The following PCDHGB6 variants were observed in gnomAD, a reference collection of about 807,000 sequenced individuals.
The protein encoded by PCDHGB6 is protocadherin gamma subfamily B, 6, also known as protocadherin gamma-B6.
In PCDHGB6, 51 loss-of-function variants were observed where a neutral mutation model predicts 59.1. That is an observed-to-expected ratio of 0.86 (90% CI 0.69 to 1.09). The LOEUF is 1.09. Ranked by LOEUF, PCDHGB6 falls within the 50% of genes least tolerant of loss-of-function variation. The pLI, the probability that PCDHGB6 is intolerant of heterozygous loss-of-function variation, is 0.00. For synonymous variants in PCDHGB6, 466 were observed against 495.1 expected (o/e 0.94, Z 0.78); for missense variants, 1,148 against 1,205.1 (o/e 0.95, Z 0.70).
rs769671283 is a variant in PCDHGB6, at chr5:141,511,391, C to A, written c.*218C>A. 1 of 1,079,748 alleles carries A rather than the reference C, an allele frequency of 9.3e-7. No homozygotes were observed. The allele number at this position is 1,079,748 out of a possible 1,614,324, so 66.9% of individuals were successfully genotyped here. On this transcript the variant is annotated 3_prime_UTR_variant, in exon 4 of 4. Transcript: ENST00000520790. ...TGCAAAAGCAGTTCCGCTGGGAACC[C>A]CCATCCAATCAACTGCTGTACCCAT...
chr5:141,430,661 GCT>G, intron 1 of PCDHGB6: 1 of 1,159,744 alleles, frequency 8.6e-7, no homozygotes, highest in South Asian at 2.1e-5. Flanking sequence ...CAACGGAGGA[GCT>G]CTGACTTCCC....
At chr5:141,451,561 C>T (rs1412657561) in intron 1 of PCDHGB6, among the ~76,000 whole-genome samples, 2 of 152,096 alleles carry the variant, frequency 1.3e-5, no homozygotes, top group Non-Finnish European at 2.9e-5. Flanking sequence ...ATGAAAGCCA[C>T]AATCTTTTTA....
chr5:141,432,137 T>A lies in PCDHGB6; in HGVS notation c.2418+21517T>A. On this transcript the variant is annotated intron_variant, in intron 1 of 3. Coordinates refer to ENST00000520790, the MANE Select transcript of PCDHGB6 (RefSeq NM_018926.3). The surrounding 1 kb of genome is among the most constrained non-coding windows in gnomAD (Gnocchi z 6.0). ...CTTCCCTCAGGCCTCCTATTCCGCT[T>A]ATATCCCAGAGAACAATCCCAGAGG... 6.2e-7 allele frequency: 1 copy of A among 1,613,964 alleles called. No homozygotes were observed. Among genetic ancestry groups the A allele is most frequent in the Non-Finnish European group, 8.5e-7 (1 of 1,179,984 alleles).
intron 1 of PCDHGB6, among the ~76,000 whole-genome samples, chr5:141,455,594 G>A (rs1263100982): frequency 6.6e-6 from 1 of 152,112 alleles, no homozygotes; most frequent in Non-Finnish European, 1.5e-5. Context: ...ATATGCAAAC[G>A]TAGGGCGCCA....
intron 1 of PCDHGB6, chr5:141,419,465 G>A (rs568864628): frequency 1.9e-6 from 3 of 1,612,544 alleles, no homozygotes; most frequent in South Asian, 1.1e-5. Context: ...GCAGGCCCGC[G>A]ACCAGGGCTC....
chr5:141,414,613 G>A (rs957641063), intron 1 of PCDHGB6: 2 of 1,613,988 alleles, frequency 1.2e-6, no homozygotes, highest in East Asian at 4.5e-5. Flanking sequence ...CTCAGTGACA[G>A]CGCTGGACCC....
chr5:141,494,182 C>A (rs188628485), intron 1 of PCDHGB6, among the ~76,000 whole-genome samples: 1 of 152,126 alleles, frequency 6.6e-6, no homozygotes, highest in Non-Finnish European at 1.5e-5. Context: ...AGAAGTGTCC[C>A]GGGACTTGGA....
At position 141,511,148 on chromosome 5, in the gene PCDHGB6, A is replaced by C; in HGVS notation, c.2768A>C (p.Lys923Thr). Residue 923 changes from lysine to threonine, a missense_variant, in exon 4 of 4, where the codon AAG (lysine) becomes ACG (threonine). Coordinates refer to ENST00000520790, the MANE Select transcript of PCDHGB6 (RefSeq NM_018926.3). ...APAGGNGNKKKSGKKEKK is the reference protein window; with the variant it reads ...APAGGNGNKKTSGKKEKK ...GCAGGTGGCAATGGCAACAAGAAGA[A>C]GTCGGGCAAGAAGGAGAAGAAGTAA... is the stretch of plus-strand genomic sequence containing the variant. The C allele has an allele frequency of 6.2e-7, 1 of 1,614,202 alleles. No individual in the cohort carries two copies. Among genetic ancestry groups the C allele is most frequent in the East Asian group, 2.2e-5 (1 of 44,882 alleles).
chr5:141,485,260 G>C lies in PCDHGB6; in HGVS notation c.2419-9547G>C. ...TTTACCACCTGGGTTACGTTTGTGG[G>C]CAGATCCGCTACCCGGTCCCAGAGG... is the stretch of plus-strand genomic sequence containing the variant. On this transcript the variant is annotated intron_variant, in intron 1 of 3. Transcript: ENST00000520790. The surrounding 1 kb of genome is among the most constrained non-coding windows in gnomAD (Gnocchi z 5.7). 1 of 1,614,122 alleles carries C rather than the reference G, an allele frequency of 6.2e-7. No homozygotes were observed. The highest frequency in any genetic ancestry group is 8.5e-7 in the Non-Finnish European group (1 of 1,179,966).
rs71583649 is a variant in PCDHGB6, at chr5:141,491,361, C to A, written c.2419-3446C>A. On this transcript the variant is annotated intron_variant, in intron 1 of 3. Transcript: ENST00000520790. The surrounding 1 kb of genome is among the most constrained non-coding windows in gnomAD (Gnocchi z 6.9). The stretch of plus-strand genomic sequence containing the variant: ...CGACCGTCAGTCTCTTATCCCTAGT[C>A]ACCTTCACCTTTCTGTCAGCGAAGT... 1.0e-3 allele frequency: 1,614 copies of A among 1,614,132 alleles called. 5 individuals carry two copies. The highest frequency in any genetic ancestry group is 5.1e-3 in the Middle Eastern group (31 of 6,062).
rs756216038 is a variant in PCDHGB6, at chr5:141,477,967, C to G, written c.2419-16840C>G. 1.9e-6 allele frequency: 3 copies of G among 1,614,032 alleles called. No homozygotes were observed. Among genetic ancestry groups the G allele is most frequent in the Admixed American group, 3.3e-5 (2 of 59,996 alleles). ...GTCTCTTGGGATCCCCTAACCAGAG[C>G]CTTTTTGCCATAGGGCTGCACACTG... On this transcript the variant is annotated intron_variant, in intron 1 of 3. Transcript: ENST00000520790. The surrounding 1 kb of genome is among the most constrained non-coding windows in gnomAD (Gnocchi z 4.9).
chr5:141,485,441 A>T lies in PCDHGB6; in HGVS notation c.2419-9366A>T. On this transcript the variant is annotated intron_variant, in intron 1 of 3. Coordinates refer to ENST00000520790, the MANE Select transcript of PCDHGB6 (RefSeq NM_018926.3). The surrounding 1 kb of genome is among the most constrained non-coding windows in gnomAD (Gnocchi z 5.7). ...CGGAGCCCTGCTCATCAAGAACCCA[A>T]TCGACCGAGAGGCACTGTGTGGGCT... is the stretch of plus-strand genomic sequence containing the variant. The T allele has an allele frequency of 6.2e-7, 1 of 1,613,910 alleles. No homozygotes were observed. The highest frequency in any genetic ancestry group is 1.1e-5 in the South Asian group (1 of 91,062).
In PCDHGB6 at chr5:141,490,211, ACCAGGGACAG is replaced by A. The variant is rs1259297201; in HGVS notation, c.2419-4593_2419-4584del. 1 of 1,614,212 alleles carries A rather than the reference ACCAGGGACAG, an allele frequency of 6.2e-7. No individual in the cohort carries two copies. ...TATGAAATTCATGCAAGAGCCCGTG[ACCAGGGACAG>A]CCTGCCATGGAGGGCCACTGTGTGA... is the stretch of plus-strand genomic sequence containing the variant. On this transcript the variant is annotated intron_variant, in intron 1 of 3. Transcript: ENST00000520790. The surrounding 1 kb of genome is among the most constrained non-coding windows in gnomAD (Gnocchi z 5.4).
Position 141,511,390 on chromosome 5 carries a change from C to T in PCDHGB6, c.*217C>T, listed in dbSNP as rs2099883760. 1.8e-6 allele frequency: 2 copies of T among 1,101,460 alleles called. No individual in the cohort carries two copies. Among genetic ancestry groups the T allele is most frequent in the Admixed American group, 2.9e-5 (1 of 34,440 alleles). The allele number at this position is 1,101,460 out of a possible 1,614,324, so 68.2% of individuals were successfully genotyped here. A position where few individuals can be genotyped will look rare whatever the true frequency, so the allele number is the denominator to read the frequency against. On this transcript the variant is annotated 3_prime_UTR_variant, in exon 4 of 4. Transcript: ENST00000520790. ...ATGCAAAAGCAGTTCCGCTGGGAAC[C>T]CCCATCCAATCAACTGCTGTACCCA... is the stretch of plus-strand genomic sequence containing the variant.
chr5:141,487,491 C>A lies in PCDHGB6; in HGVS notation c.2419-7316C>A. On this transcript the variant is annotated intron_variant, in intron 1 of 3. Transcript: ENST00000520790. This position sits in a 1 kb window ranked among gnomAD's most constrained non-coding sequence, Gnocchi z 5.0. The stretch of plus-strand genomic sequence containing the variant: ...GTGGGAGGCCACTCTCATGGCTGTA[C>A]ACCCTTGGCTTCTGCACCCACTCGG... The A allele has an allele frequency of 6.2e-7, 1 of 1,614,204 alleles. No individual in the cohort carries two copies. The highest frequency in any genetic ancestry group is 8.5e-7 in the Non-Finnish European group (1 of 1,180,034).
intron 1 of PCDHGB6, chr5:141,433,153 A>G (rs896611410): frequency 3.1e-6 from 5 of 1,613,482 alleles, no homozygotes; most frequent in African/African-American, 2.7e-5. Flanking sequence ...GTGATTCGGT[A>G]TTTTCTAAAG....
chr5:141,425,576 G>A (rs2096883993), intron 1 of PCDHGB6, among the ~76,000 whole-genome samples: 1 of 152,166 alleles, frequency 6.6e-6, no homozygotes, highest in Non-Finnish European at 1.5e-5. Flanking sequence ...GAAGGGTTTG[G>A]CTAACTTTAT....
In PCDHGB6 at chr5:141,423,756, G is replaced by A. The variant is rs544048105; in HGVS notation, c.2418+13136G>A. 1.6e-5 allele frequency: 7 copies of A among 448,620 alleles called. 1 individual carries two copies. Among genetic ancestry groups the A allele is most frequent in the Non-Finnish European group, 2.1e-5 (7 of 329,706 alleles). 27.8% of individuals were successfully genotyped at this position (448,620 alleles called of 1,614,324 possible). A position where few individuals can be genotyped will look rare whatever the true frequency, so the allele number is the denominator to read the frequency against. ...GCCTGTTATGAAAACTGTTTGGGGG[G>A]GGGGTGGGGCGGCATATATTTAGTT... On this transcript the variant is annotated intron_variant, in intron 1 of 3. Coordinates refer to ENST00000520790, the MANE Select transcript of PCDHGB6 (RefSeq NM_018926.3).
intron 1 of PCDHGB6, chr5:141,414,478 C>T (rs977591382): frequency 5.6e-6 from 9 of 1,613,884 alleles, no homozygotes; most frequent in Non-Finnish European, 3.4e-6. Flanking sequence ...GGGAAGTCCT[C>T]CTCTATCAAC....
Sources: gnomAD v4.1 joint callset for allele counts (sites outside exome capture counted in the v4.1 genomes callset) on GRCh38, gnomAD v4.1.1 for gene constraint, Gnocchi (gnomAD v3.1) non-coding constraint, MANE v1.5 for transcripts, NCBI Gene and HGNC (gene_info 2026-07-23, HGNC 2026-07-21) for gene names.